MYO5B: variants seen among roughly 807,000 people sequenced by gnomAD.
The protein encoded by MYO5B is myosin VB.
In MYO5B, 143 loss-of-function variants were observed where a neutral mutation model predicts 229.3. The ratio of observed to expected loss-of-function variants is 0.62; its 90% CI spans 0.54 to 0.72. The LOEUF (loss-of-function observed/expected upper bound fraction) is 0.72, where lower values mean the gene tolerates loss of function less well. Among genes scored for constraint, MYO5B ranks in the 30% least tolerant of loss-of-function variants. The pLI, the probability that MYO5B is intolerant of heterozygous loss-of-function variation, is 0.00. For synonymous variants in MYO5B, 918 were observed against 885.2 expected (o/e 1.04, Z -0.66); for missense variants, 2,321 against 2,331.0 (o/e 1.00, Z 0.09).
chr18:50,016,139 G>A (rs2026212964), intron 4 of MYO5B, among the ~76,000 whole-genome samples: 1 of 152,196 alleles, frequency 6.6e-6, no homozygotes, highest in South Asian at 2.1e-4. Flanking sequence ...CATGATCAGA[G>A]TGCCATGCAA....
intron 5 of MYO5B, among the ~76,000 whole-genome samples, chr18:49,996,835 G>A (rs898928629): frequency 1.3e-5 from 2 of 152,192 alleles, no homozygotes; most frequent in African/African-American, 4.8e-5. Context: ...ACAAAGGGAC[G>A]GGGTTATGTT....
intron 2 of MYO5B, among the ~76,000 whole-genome samples, chr18:50,046,656 A>G (rs912252599): frequency 2.0e-5 from 3 of 152,202 alleles, no homozygotes; most frequent in Non-Finnish European, 2.9e-5. Context: ...TACAGTAGCA[A>G]GCATGTGGCT....
intron 14 of MYO5B, among the ~76,000 whole-genome samples, chr18:49,951,990 T>C (rs945663286): frequency 6.6e-6 from 1 of 152,186 alleles, no homozygotes; most frequent in Non-Finnish European, 1.5e-5. Flanking sequence ...CAAAGTGATA[T>C]TCACTTTTAC....
chr18:49,907,182 TG>T (rs1419255157), intron 18 of MYO5B, among the ~76,000 whole-genome samples: 1 of 151,958 alleles, frequency 6.6e-6, no homozygotes, highest in Non-Finnish European at 1.5e-5. Context: ...AGGTGATTGG[TG>T]GGAGGAGCCA....
intron 5 of MYO5B, among the ~76,000 whole-genome samples, chr18:49,995,841 C>T (rs1382856227): frequency 6.6e-6 from 1 of 152,180 alleles, no homozygotes; most frequent in Admixed American, 6.5e-5. Flanking sequence ...TTCTGTGCCT[C>T]CTAATGGAGG....
At chr18:49,887,534 G>A (rs910939764) in intron 22 of MYO5B, among the ~76,000 whole-genome samples, 1 of 152,138 alleles carries the variant, frequency 6.6e-6, no homozygotes. Flanking sequence ...CTATCGCCAT[G>A]TGATGCCTGC....
intron 1 of MYO5B, among the ~76,000 whole-genome samples, chr18:50,112,201 G>C (rs143819931): frequency 6.6e-6 from 1 of 152,140 alleles, no homozygotes; most frequent in South Asian, 2.1e-4. Flanking sequence ...ATATTGAGTA[G>C]GGAAAAAGTA....
At chr18:49,856,946 G>A in intron 29 of MYO5B, 56 bp from the exon 30 acceptor site, 1 of 1,445,410 alleles carries the variant, frequency 6.9e-7, no homozygotes, top group Non-Finnish European at 9.7e-7. Flanking sequence ...GAGACAGGCA[G>A]GCAGGGAGTC....
Position 50,181,265 on chromosome 18 carries a change from A to G in MYO5B, c.27+13502T>C, listed in dbSNP as rs75180931. ...CATAACTATAAAATTCTGTCTTTAAATTGTTAACCAAACAGACCAGAACTG... is the reference window on the plus strand; with the variant it reads ...CATAACTATAAAATTCTGTCTTTAAGTTGTTAACCAAACAGACCAGAACTG... On this transcript the variant is annotated intron_variant, in intron 1 of 39. Coordinates refer to ENST00000285039, the MANE Select transcript of MYO5B (RefSeq NM_001080467.3). Among the ~76,000 whole-genome samples the G allele has an allele frequency of 4.6e-3, 699 of 152,362 alleles. 7 individuals are homozygous for G. Among genetic ancestry groups the G allele is most frequent in the African/African-American group, 0.016 (648 of 41,584 alleles).
rs1463571659 is a variant in MYO5B, at chr18:49,864,230, C to G, written c.3754G>C (p.Glu1252Gln). 1 of 1,613,950 alleles carries G rather than the reference C, an allele frequency of 6.2e-7. No homozygotes were observed. ...LLLNQLKLAH[E>Q]ELEVRKEEVL... ...TCCTCCTTGCGCACCTCGAGCTCCT[C>G]GTGGGCCAGCTTGAGCTGGTTCAGC... is the stretch of plus-strand genomic sequence containing the variant. Residue 1252 changes from glutamate to glutamine, a missense_variant, in exon 28 of 40, where the codon GAG becomes CAG. This residue lies in a region of MYO5B where 2,113 missense variants were observed against 2,044.7 expected (regional missense o/e 1.03). Transcript: ENST00000285039.
At chr18:50,063,055 G>A (rs1398273194) in intron 1 of MYO5B, among the ~76,000 whole-genome samples, 1 of 152,124 alleles carries the variant, frequency 6.6e-6, no homozygotes, top group Non-Finnish European at 1.5e-5. Flanking sequence ...ACTATGGCAG[G>A]ACTCAGGCCC....
rs762769797 is a variant in MYO5B, at chr18:49,906,601, G to T, written c.2232C>A (p.Thr744=). 1.4e-5 allele frequency: 23 copies of T among 1,614,076 alleles called. No individual in the cohort carries two copies. Among genetic ancestry groups the T allele is most frequent in the Non-Finnish European group, 1.9e-5 (22 of 1,180,026 alleles). The part of the protein sequence containing the change: ...KDPDKFQFGR[T]KIFFRAGQVA... Reference sequence around the variant, plus strand: ...CCTGGCCTGCTCGAAAGAAGATCTTGGTGCGGCCAAACTGGAACTTGTCGG... The same window carrying T: ...CCTGGCCTGCTCGAAAGAAGATCTTTGTGCGGCCAAACTGGAACTTGTCGG... Residue 744 remains threonine, a synonymous_variant, in exon 19 of 40, where the codon ACC becomes ACA. Transcript: ENST00000285039.
At chr18:50,194,367 A>T (rs2033269958) in intron 1 of MYO5B, among the ~76,000 whole-genome samples, 1 of 151,962 alleles carries the variant, frequency 6.6e-6, no homozygotes, top group Non-Finnish European at 1.5e-5. Context: ...GGGACAGGGG[A>T]CAGCAGCGGG....
chr18:49,855,351 C>A (rs547404008), intron 30 of MYO5B, among the ~76,000 whole-genome samples: 16 of 152,196 alleles, frequency 1.1e-4, no homozygotes, highest in African/African-American at 3.4e-4. Flanking sequence ...TTTGAGGCCA[C>A]GACCAGTGGC....
intron 21 of MYO5B, among the ~76,000 whole-genome samples, chr18:49,897,624 T>G (rs1023121637): frequency 1.3e-5 from 2 of 152,056 alleles, no homozygotes; most frequent in African/African-American, 4.8e-5. Flanking sequence ...AATAAAAAAT[T>G]TTTGTAGAGT....
chr18:50,102,869 A>G (rs1165119327), intron 1 of MYO5B, among the ~76,000 whole-genome samples: 2 of 152,098 alleles, frequency 1.3e-5, no homozygotes, highest in Non-Finnish European at 2.9e-5. Context: ...CCCCAGCCTC[A>G]GCCCATAAGA....
At position 50,040,136 on chromosome 18, in the gene MYO5B, C is replaced by G. The variant is rs370144130; in HGVS notation, c.310+7G>C. On this transcript the variant is annotated splice_region_variant and intron_variant, in intron 3 of 39. Coordinates refer to ENST00000285039, the MANE Select transcript of MYO5B (RefSeq NM_001080467.3). ...ACGCATGCAGCCAACAGATGCCCCC[C>G]ACTTACCACAGTAAGTGTAGATATG... 4 of 1,613,998 alleles carry G rather than the reference C, an allele frequency of 2.5e-6. No homozygotes were observed. In the African/African-American group the frequency reaches 4.0e-5, roughly 16 times the overall value.
intron 1 of MYO5B, among the ~76,000 whole-genome samples, chr18:50,179,868 A>C (rs1377190894): frequency 6.6e-6 from 1 of 152,184 alleles, no homozygotes; most frequent in Non-Finnish European, 1.5e-5. Flanking sequence ...CCTTGGACCC[A>C]AAATAGCCAA....
intron 1 of MYO5B, among the ~76,000 whole-genome samples, chr18:50,124,494 T>A (rs1172163394): frequency 6.6e-6 from 1 of 150,972 alleles, no homozygotes; most frequent in Non-Finnish European, 1.5e-5. Context: ...AAAGTGTGAT[T>A]GTCTACTTCA....
Sources: allele counts gnomAD v4.1 joint callset (sites outside exome capture counted in the v4.1 genomes callset), GRCh38; gene constraint gnomAD v4.1.1; regional missense constraint gnomAD v4.1.1; transcripts MANE v1.5; gene names NCBI Gene and HGNC (gene_info 2026-07-23, HGNC 2026-07-21).